Variants in TUBGCP4 observed in about 807,000 individuals in gnomAD.
TUBGCP4 encodes gamma-tubulin complex component 4.
Under a neutral mutation model 91.6 loss-of-function variants are expected in TUBGCP4, and 54 were observed. That is an observed-to-expected ratio of 0.59 (90% CI 0.47 to 0.74). The LOEUF (loss-of-function observed/expected upper bound fraction) is 0.74, where lower values mean the gene tolerates loss of function less well. TUBGCP4 is among the 30% of genes least tolerant of loss of function. TUBGCP4 has a pLI of 0.00. For synonymous variants in TUBGCP4, 297 were observed against 302.8 expected, an observed-to-expected ratio of 0.98 and a Z score of 0.20; for missense variants, 593 against 800.9, an observed-to-expected ratio of 0.74 and a Z score of 3.13.
At chr15:43,399,975 AGTCT>A in intron 13 of TUBGCP4, 65 bp from the exon 14 acceptor site, 9 of 1,328,374 alleles carry the variant, frequency 6.8e-6, no homozygotes, top group Non-Finnish European at 9.4e-6. Context: ...AAAGTCCTAG[AGTCT>A]GTCGTGTGGG....
intron 14 of TUBGCP4, among the ~76,000 whole-genome samples, chr15:43,400,918 C>CAA (rs567791945): frequency 3.7e-5 from 5 of 133,488 alleles, no homozygotes; most frequent in East Asian, 2.2e-4. Flanking sequence ...ACTCCGTCTC[C>CAA]AAAAAAAAAA....
At chr15:43,394,925 C>T (rs2044556068) in intron 9 of TUBGCP4, 182 bp from the exon 10 acceptor site, 1 of 647,916 alleles carries the variant, frequency 1.5e-6, no homozygotes, top group African/African-American at 1.8e-5. Flanking sequence ...ATTACCCAGT[C>T]TAAGGTATTC....
chr15:43,403,873 T>C, intron 16 of TUBGCP4, 74 bp downstream of exon 16: 1 of 1,016,122 alleles, frequency 9.8e-7, no homozygotes, highest in Non-Finnish European at 1.6e-6. Context: ...TTCATGATCT[T>C]TCCTCTGAGT....
In TUBGCP4 at chr15:43,377,834, C is replaced by G. The variant is rs1488913895; in HGVS notation, c.385-13C>G. On this transcript the variant is annotated splice_polypyrimidine_tract_variant and intron_variant, in intron 4 of 17. Coordinates refer to ENST00000564079, the MANE Select transcript of TUBGCP4 (RefSeq NM_014444.5). ...TTGATTACATACCCTTCTAATTATT[C>G]TCTACTTTGCAGTTCCAGCTTCTTT... The G allele has an allele frequency of 6.3e-7, 1 of 1,591,276 alleles. No individual in the cohort carries two copies. The highest frequency in any genetic ancestry group is 8.6e-7 in the Non-Finnish European group (1 of 1,169,294).
At chr15:43,383,563 C>G (rs955782320) in intron 7 of TUBGCP4, 59 bp downstream of exon 7, 6 of 1,448,468 alleles carry the variant, frequency 4.1e-6, no homozygotes, top group Non-Finnish European at 4.6e-6. Flanking sequence ...AGCATGCACA[C>G]AAATGATCTT....
intron 7 of TUBGCP4, chr15:43,385,264 A>C (rs1056842530): frequency 2.3e-6 from 1 of 430,220 alleles, no homozygotes; most frequent in Non-Finnish European, 4.7e-6. Flanking sequence ...CAGGAGGTTC[A>C]TGAAATGTTA....
Position 43,371,228 on chromosome 15 carries a change from T to C in TUBGCP4, c.-127T>C. On this transcript the variant is annotated 5_prime_UTR_variant, in exon 1 of 18. Transcript: ENST00000564079. ...CGCAGCGATTGTCTCGGTGGGTTGA[T>C]TCGGCACAAACCGCCCGACCCAGGG... The C allele has an allele frequency of 1.1e-6, 1 of 941,650 alleles. No homozygotes were observed. 58.3% of individuals were successfully genotyped at this position (941,650 alleles called of 1,614,324 possible).
In TUBGCP4 at chr15:43,400,227, T is replaced by C; in HGVS notation, c.1596+6T>C. ...ATCTTCAGTACTATCTCCAGGTCTG[T>C]GCTAAGAGATGAGTAGAAGGAAGGG... On this transcript the variant is annotated splice_donor_region_variant and intron_variant, in intron 14 of 17. Transcript: ENST00000564079. 6.2e-7 allele frequency: 1 copy of C among 1,612,052 alleles called. No homozygotes were observed. Among genetic ancestry groups the C allele is most frequent in the Non-Finnish European group, 8.5e-7 (1 of 1,178,358 alleles).
chr15:43,372,120 C>T (rs2044133093), intron 1 of TUBGCP4, among the ~76,000 whole-genome samples: 1 of 152,148 alleles, frequency 6.6e-6, no homozygotes, highest in Non-Finnish European at 1.5e-5. Flanking sequence ...ACTACTTTTA[C>T]CTGCTTCTGC....
intron 8 of TUBGCP4, 96 bp downstream of exon 8, chr15:43,386,052 G>A (rs956345993): frequency 5.9e-6 from 9 of 1,532,320 alleles, no homozygotes; most frequent in Non-Finnish European, 7.9e-6. Context: ...GCGAGTGGTC[G>A]ATAATATTCC....
rs138999915 is a variant in TUBGCP4 at position 43,409,214 on chromosome 15, T to A, written c.*4000T>A. 6.9e-5 allele frequency: 61 copies of A among 889,064 alleles called. No individual in the cohort carries two copies. The African/African-American group carries it at 9.9e-4, about 14-fold the overall frequency. 55.1% of individuals were successfully genotyped at this position (889,064 alleles called of 1,614,324 possible). ...AGACTCCCAACTACTACCCAAAATG[T>A]GATTTAGTCTATCCTGCCCAAGGCC... is the stretch of plus-strand genomic sequence containing the variant. On this transcript the variant is annotated 3_prime_UTR_variant, in exon 18 of 18. Transcript: ENST00000564079.
rs776060001 is a variant in TUBGCP4 at position 43,401,840 on chromosome 15, T to C, written c.1721T>C (p.Leu574Pro). Reference protein sequence around the residue: ...LSNLLAQSFILLKPVFHCLNE... With the variant: ...LSNLLAQSFIPLKPVFHCLNE... ...AATTTGCTGGCTCAATCCTTTATCCTATTGAAACCTGTAAGTAAGGCTCAT... is the reference window on the plus strand; with the variant it reads ...AATTTGCTGGCTCAATCCTTTATCCCATTGAAACCTGTAAGTAAGGCTCAT... Residue 574 changes from leucine (L) to proline (P), a missense_variant, in exon 15 of 18, where the codon CTA (leucine) becomes CCA (proline). Physicochemically the swap from Leu to Pro is moderately conservative, Grantham distance 98. Coordinates refer to ENST00000564079, the MANE Select transcript of TUBGCP4 (RefSeq NM_014444.5). 1 of 1,614,152 alleles carries C rather than the reference T, an allele frequency of 6.2e-7. No individual in the cohort carries two copies. The highest frequency in any genetic ancestry group is 8.5e-7 in the Non-Finnish European group (1 of 1,180,002).
At position 43,380,094 on chromosome 15, in the gene TUBGCP4, G is replaced by T. The variant is rs1229476587; in HGVS notation, c.452G>T (p.Cys151Phe). Residue 151 changes from cysteine (C) to phenylalanine (F), a missense_variant, in exon 6 of 18, where the codon TGT becomes TTT. Transcript: ENST00000564079. ...EQIKSQKIHG[C>F]QILETVYKHS... Reference sequence around the variant, plus strand: ...CCGTATTTTCCACAGATTCATGGTTGTCAAATCCTGGAAACAGTCTACAAA... The same window carrying T: ...CCGTATTTTCCACAGATTCATGGTTTTCAAATCCTGGAAACAGTCTACAAA... The T allele has an allele frequency of 6.2e-7, 1 of 1,614,080 alleles. No individual in the cohort carries two copies. The highest frequency in any genetic ancestry group is 8.5e-7 in the Non-Finnish European group (1 of 1,179,936).
At chr15:43,394,706 G>A (rs2044552160) in intron 9 of TUBGCP4, 1 of 210,412 alleles carries the variant, frequency 4.8e-6, no homozygotes, top group South Asian at 8.3e-5. Flanking sequence ...CTGTCCTCAC[G>A]ATAGTAAGTT....
At chr15:43,381,149 A>C (rs2044280314) in intron 6 of TUBGCP4, among the ~76,000 whole-genome samples, 2 of 152,164 alleles carry the variant, frequency 1.3e-5, no homozygotes, top group Non-Finnish European at 2.9e-5. Context: ...GCATGAGTAA[A>C]TCCTCCAGAA....
chr15:43,404,344 C>T (rs117404587), intron 16 of TUBGCP4, 69 bp from the exon 17 acceptor site: 666 of 1,580,872 alleles, frequency 4.2e-4, no homozygotes, highest in Non-Finnish European at 5.4e-4. Flanking sequence ...CTCCTCCCTC[C>T]GCCCCCATCC....
intron 13 of TUBGCP4, among the ~76,000 whole-genome samples, chr15:43,399,534 T>C (rs769762718): frequency 2.0e-5 from 3 of 152,164 alleles, no homozygotes; most frequent in African/African-American, 4.8e-5. Flanking sequence ...TTAGTAGAGA[T>C]GGCATCTCAC....
intron 7 of TUBGCP4, 79 bp downstream of exon 7, chr15:43,383,583 C>A (rs1222765212): frequency 3.8e-6 from 5 of 1,313,656 alleles, no homozygotes; most frequent in Non-Finnish European, 4.1e-6. Flanking sequence ...TCTGGTGATC[C>A]CTTCTTAGCT....
At chr15:43,388,328 G>C (rs1010246282) in intron 9 of TUBGCP4, among the ~76,000 whole-genome samples, 1 of 152,176 alleles carries the variant, frequency 6.6e-6, no homozygotes, top group Non-Finnish European at 1.5e-5. Context: ...TCCCTTTCTA[G>C]TCACTGTCTC....
Sources: allele counts gnomAD v4.1 joint callset (sites outside exome capture counted in the v4.1 genomes callset), GRCh38; gene constraint gnomAD v4.1.1; transcripts MANE v1.5; gene names NCBI Gene and HGNC (gene_info 2026-07-23, HGNC 2026-07-21).